Variants in EYS observed in about 807,000 individuals in gnomAD.
EYS encodes protein eyes shut homolog.
A neutral mutation model predicts 282.1 loss-of-function variants in EYS; 250 were observed. The ratio of observed to expected loss-of-function variants is 0.89; its 90% confidence interval spans 0.80 to 0.98. The LOEUF (loss-of-function observed/expected upper bound fraction) is 0.98. Among genes scored for constraint, EYS ranks in the 50% least tolerant of loss-of-function variants. The pLI is 0.00. For missense variants in EYS, 4,016 were observed against 3,709.0 expected (o/e 1.08, Z -2.15); for synonymous variants, 1,355 against 1,282.9 (o/e 1.06, Z -1.20).
intron 33 of EYS, among the ~76,000 whole-genome samples, chr6:64,007,842 G>T (rs962030361): frequency 6.6e-6 from 1 of 152,042 alleles, no homozygotes; most frequent in Non-Finnish European, 1.5e-5. Context: ...TTGCACTGTG[G>T]TCTAATAGTA....
At chr6:65,249,318 A>C (rs1045871890) in intron 12 of EYS, among the ~76,000 whole-genome samples, 1 of 151,992 alleles carries the variant, frequency 6.6e-6, no homozygotes, top group African/African-American at 2.4e-5. Context: ...ACTGTGTTTT[A>C]AGATGTGAAT....
intron 2 of EYS, among the ~76,000 whole-genome samples, chr6:65,508,308 T>C (rs760722332): frequency 4.6e-5 from 7 of 152,090 alleles, no homozygotes; most frequent in Non-Finnish European, 1.0e-4. Context: ...TAATCTATGA[T>C]CTATGGTCTA....
intron 12 of EYS, among the ~76,000 whole-genome samples, chr6:65,281,484 T>G (rs553827677): frequency 6.6e-6 from 1 of 152,282 alleles, no homozygotes; most frequent in African/African-American, 2.4e-5. Flanking sequence ...GTCCTGAGCT[T>G]GTGTGTTATG....
At chr6:64,576,871 C>T (rs771184606) in intron 26 of EYS, among the ~76,000 whole-genome samples, 1 of 152,032 alleles carries the variant, frequency 6.6e-6, no homozygotes, top group South Asian at 2.1e-4. Context: ...GTTAAAGTCT[C>T]AACTTCCAAT....
At chr6:64,531,390 TTTG>T (rs149849078) in intron 26 of EYS, among the ~76,000 whole-genome samples, 33,057 of 90,946 alleles carry the variant, frequency 0.36, 3,588 homozygotes, top group East Asian at 0.53. Flanking sequence ...AGTTTTGTTT[TTTG>T]TTTTTTTTTT....
chr6:64,952,253 A>C (rs546433333), intron 14 of EYS, among the ~76,000 whole-genome samples: 41 of 152,142 alleles, frequency 2.7e-4, no homozygotes, highest in Non-Finnish European at 4.3e-4. Context: ...TTTTACAAAA[A>C]CAAAACCTGA....
At chr6:64,418,840 G>T (rs1034698022) in intron 28 of EYS, among the ~76,000 whole-genome samples, 1 of 151,974 alleles carries the variant, frequency 6.6e-6, no homozygotes, top group Admixed American at 6.6e-5. Context: ...TCCCGACTTT[G>T]GTTTCAAGTT....
At chr6:63,806,454 C>T (rs1770911918) in intron 36 of EYS, 82 bp from the exon 37 acceptor site, 1 of 1,201,696 alleles carries the variant, frequency 8.3e-7, no homozygotes, top group African/African-American at 1.5e-5. Context: ...GCTGATGCAT[C>T]TGGCCAGATA....
chr6:65,370,559 A>G (rs1351372438), intron 8 of EYS, among the ~76,000 whole-genome samples: 1 of 151,576 alleles, frequency 6.6e-6, no homozygotes, highest in Non-Finnish European at 1.5e-5. Context: ...TCTTTCTTTG[A>G]CCGACTTTTA....
At chr6:64,509,842 C>T (rs188562710) in intron 26 of EYS, among the ~76,000 whole-genome samples, 2 of 152,154 alleles carry the variant, frequency 1.3e-5, no homozygotes, top group Admixed American at 1.3e-4. Context: ...TTTGTTAGTG[C>T]TACTTTTGGA....
intron 2 of EYS, among the ~76,000 whole-genome samples, chr6:65,544,662 T>A (rs1768315880): frequency 6.6e-6 from 1 of 152,180 alleles, no homozygotes; most frequent in African/African-American, 2.4e-5. Flanking sequence ...TTACCCAGTC[T>A]CAGGTATGTC....
chr6:64,535,494 T>C (rs1224567604), intron 26 of EYS, among the ~76,000 whole-genome samples: 3 of 151,888 alleles, frequency 2.0e-5, no homozygotes, highest in East Asian at 1.9e-4. Flanking sequence ...TCACAGCAGT[T>C]TGGGAGGCTG....
intron 31 of EYS, among the ~76,000 whole-genome samples, chr6:64,141,150 C>T (rs11965712): frequency 0.085 from 12,875 of 152,178 alleles, 1,694 homozygotes; most frequent in African/African-American, 0.28. Flanking sequence ...AATTCGTTTA[C>T]ACTAAGATCC....
intron 29 of EYS, among the ~76,000 whole-genome samples, chr6:64,337,044 T>G (rs1582618453): frequency 1.3e-5 from 2 of 151,852 alleles, no homozygotes; most frequent in Non-Finnish European, 2.9e-5. Context: ...CAAACTGACA[T>G]TCTAAGGTCA....
At chr6:64,976,202 T>C (rs1367032110) in intron 14 of EYS, among the ~76,000 whole-genome samples, 1 of 152,006 alleles carries the variant, frequency 6.6e-6, no homozygotes, top group Non-Finnish European at 1.5e-5. Context: ...ACTTACATTG[T>C]TCAAATATAT....
At chr6:65,485,929 T>C (rs964917381) in intron 5 of EYS, among the ~76,000 whole-genome samples, 5 of 152,252 alleles carry the variant, frequency 3.3e-5, no homozygotes, top group African/African-American at 1.2e-4. Context: ...TGCAAGTTTA[T>C]TCTGTCAAAG....
At chr6:65,342,597 A>G (rs1189670494) in intron 10 of EYS, among the ~76,000 whole-genome samples, 1 of 150,642 alleles carries the variant, frequency 6.6e-6, no homozygotes, top group Non-Finnish European at 1.5e-5. Context: ...AATTATAAAA[A>G]TATAGTCTCT....
chr6:65,192,728 A>G (rs1765672225), intron 12 of EYS, among the ~76,000 whole-genome samples: 1 of 151,804 alleles, frequency 6.6e-6, no homozygotes, highest in Non-Finnish European at 1.5e-5. Flanking sequence ...TAAAATCTCA[A>G]GAGAGACTGG....
At chr6:64,914,838 T>G (rs1346828642) in intron 15 of EYS, among the ~76,000 whole-genome samples, 1 of 152,134 alleles carries the variant, frequency 6.6e-6, no homozygotes, top group Non-Finnish European at 1.5e-5. Context: ...GGGTAGAAAG[T>G]AATTGCTATC....
Sources: gnomAD v4.1 joint callset for allele counts (sites outside exome capture counted in the v4.1 genomes callset) on GRCh38, gnomAD v4.1.1 for gene constraint, MANE v1.5 for transcripts, NCBI Gene and HGNC (gene_info 2026-07-23, HGNC 2026-07-21) for gene names.